The following MROH1 variants were observed in gnomAD, a reference collection of about 807,000 sequenced individuals.
MROH1 encodes the protein maestro heat-like repeat-containing protein family member 1.
MROH1 carries 117 observed loss-of-function variants against 116.5 expected under a neutral mutation model. That is an observed-to-expected ratio of 1.00 (90% confidence interval 0.86 to 1.17). MROH1 has a LOEUF of 1.17. Among genes scored for constraint, MROH1 ranks in the 50% most tolerant of loss-of-function variants. The pLI, the probability that MROH1 is intolerant of heterozygous loss-of-function variation, is 0.00. For synonymous variants in MROH1, 921 were observed against 583.9 expected, an observed-to-expected ratio of 1.58 and a Z score of -8.32; for missense variants, 1,873 against 1,338.5, an observed-to-expected ratio of 1.40 and a Z score of -6.23.
chr8:144,201,516 G>A (rs1267929827), intron 12 of MROH1, among the ~76,000 whole-genome samples: 1 of 152,208 alleles, frequency 6.6e-6, no homozygotes, highest in South Asian at 2.1e-4. Flanking sequence ...GAGCTAGGGA[G>A]GTTGTTACAT....
chr8:144,244,229 G>A lies in MROH1; in HGVS notation c.2563G>A (p.Glu855Lys), dbSNP rs1037764122. ...CCTTAACTTGCCTCTCAGCTCCGTGGAGCCAGCGCTGGACGAGCAGGCCCG... is the reference window on the plus strand; with the variant it reads ...CCTTAACTTGCCTCTCAGCTCCGTGAAGCCAGCGCTGGACGAGCAGGCCCG... ...MLTCTYLVSV[E>K]PALDEQARAD... Residue 855 changes from glutamate (E) to lysine (K), a missense_variant, in exon 27 of 44, where the codon GAG becomes AAG. Transcript: ENST00000326134. 5.6e-6 allele frequency: 4 copies of A among 717,860 alleles called. No individual in the cohort carries two copies. In the Admixed American group the frequency reaches 6.0e-5, roughly 11 times the overall value. The allele number at this position is 717,860 out of a possible 1,614,324, so 44.5% of individuals were successfully genotyped here.
At position 144,198,527 on chromosome 8, in the gene MROH1, C is replaced by T. The variant is rs566195848; in HGVS notation, c.949-595C>T. Among the ~76,000 whole-genome samples the T allele has an allele frequency of 5.3e-5, 8 of 152,340 alleles. No individual in the cohort carries two copies. In the South Asian group the frequency reaches 1.0e-3, roughly 20 times the overall value. ...CAACCTCCCGGGCTCAGGCAGTCCTCTCACTTCAGCCTCCTGAGTAGCTGG... is the reference window on the plus strand; with the variant it reads ...CAACCTCCCGGGCTCAGGCAGTCCTTTCACTTCAGCCTCCTGAGTAGCTGG... On this transcript the variant is annotated intron_variant, in intron 10 of 43. Transcript: ENST00000326134.
chr8:144,168,426 C>T lies in MROH1; in HGVS notation c.154C>T (p.Arg52Trp), dbSNP rs375278112. Residue 52 changes from arginine (R) to tryptophan (W), a missense_variant, in exon 4 of 44, where the codon CGG becomes TGG. By Grantham distance (101) the Arg-to-Trp change is moderately radical. Coordinates refer to ENST00000326134, the MANE Select transcript of MROH1 (RefSeq NM_032450.3). Reference sequence around the variant, plus strand: ...GCTCCGTGCCTGCGAGGAGTATCTGCGGCAGCATGACAAGGTATGTGTGCT... The same window carrying T: ...GCTCCGTGCCTGCGAGGAGTATCTGTGGCAGCATGACAAGGTATGTGTGCT... ...ETLRACEEYL[R>W]QHDKLAHPYR... 49 of 1,608,132 alleles carry T rather than the reference C, an allele frequency of 3.0e-5. No individual in the cohort carries two copies. The highest frequency in any genetic ancestry group is 4.5e-5 in the East Asian group (2 of 44,844).
At chr8:144,237,360 T>C (rs940326681) in intron 14 of MROH1, among the ~76,000 whole-genome samples, 13 of 152,244 alleles carry the variant, frequency 8.5e-5, no homozygotes, top group Non-Finnish European at 1.6e-4. Context: ...CGCAGGCCCC[T>C]GTCCTGAGGC....
chr8:144,151,975 C>T (rs1486468054), intron 1 of MROH1, among the ~76,000 whole-genome samples: 1 of 152,208 alleles, frequency 6.6e-6, no homozygotes, highest in Non-Finnish European at 1.5e-5. Context: ...TGCCGGCGAT[C>T]TCTCTCTCTT....
chr8:144,190,951 G>C lies in MROH1; in HGVS notation c.714+16G>C. On this transcript the variant is annotated intron_variant, in intron 8 of 43. Transcript: ENST00000326134. ...AGAAGCCAAGGTATGCCCCGTGGCT[G>C]CATCAGTCCACGCCTGATGCCAGGG... 6.2e-7 allele frequency: 1 copy of C among 1,610,824 alleles called. No individual in the cohort carries two copies. The highest frequency in any genetic ancestry group is 8.5e-7 in the Non-Finnish European group (1 of 1,178,714).
chr8:144,213,401 A>G (rs1244406351), intron 12 of MROH1: 4 of 312,094 alleles, frequency 1.3e-5, no homozygotes, highest in African/African-American at 2.1e-5. Context: ...GTCTTAAGTT[A>G]TTCCATATTC....
chr8:144,210,989 C>T (rs111281369), intron 12 of MROH1, among the ~76,000 whole-genome samples: 12,805 of 152,180 alleles, frequency 0.084, 775 homozygotes, highest in Non-Finnish European at 0.13. Context: ...AACAGCAACT[C>T]CCCATATTTA....
intron 8 of MROH1, 88 bp from the exon 9 acceptor site, chr8:144,191,627 A>C: frequency 1.3e-6 from 2 of 1,518,894 alleles, no homozygotes; most frequent in Admixed American, 3.9e-5. Flanking sequence ...GTGTTCGTTC[A>C]CGTCCGTCAC....
intron 1 of MROH1, among the ~76,000 whole-genome samples, chr8:144,151,218 A>G (rs1172095215): frequency 7.2e-6 from 1 of 139,244 alleles, no homozygotes; most frequent in Admixed American, 7.5e-5. Context: ...ATTGCATTCC[A>G]GCCTGGGTGA....
At chr8:144,240,850 C>T in intron 20 of MROH1, 142 bp from the exon 21 acceptor site, 1 of 686,028 alleles carries the variant, frequency 1.5e-6, no homozygotes, top group Non-Finnish European at 2.7e-6. Flanking sequence ...ACCGCTTATT[C>T]CTCAGATGTT....
intron 41 of MROH1, 34 bp downstream of exon 41, chr8:144,261,075 G>T: frequency 1.3e-6 from 1 of 774,288 alleles, no homozygotes; most frequent in Non-Finnish European, 2.4e-6. Context: ...CGTGGTGGGT[G>T]GGGCGGGGCC....
chr8:144,230,374 A>G (rs1307188376), intron 14 of MROH1, among the ~76,000 whole-genome samples: 1 of 152,208 alleles, frequency 6.6e-6, no homozygotes. Flanking sequence ...TCACTGGAGT[A>G]ACACTTTTAA....
chr8:144,166,713 C>T (rs1820924789), intron 3 of MROH1, among the ~76,000 whole-genome samples: 1 of 151,174 alleles, frequency 6.6e-6, no homozygotes, highest in Non-Finnish European at 1.5e-5. Flanking sequence ...GGGGCTGGGG[C>T]GCCGCCCAGC....
At chr8:144,209,307 G>A (rs1330221018) in intron 12 of MROH1, among the ~76,000 whole-genome samples, 4 of 151,976 alleles carry the variant, frequency 2.6e-5, no homozygotes, top group Non-Finnish European at 5.9e-5. Context: ...GGCCGGGCAC[G>A]GTGGCTCAAA....
At chr8:144,177,510 G>A (rs1049042905) in intron 4 of MROH1, among the ~76,000 whole-genome samples, 3 of 152,170 alleles carry the variant, frequency 2.0e-5, no homozygotes, top group Middle Eastern at 3.2e-3. Context: ...TCACTGAGCC[G>A]GTAGCACTTC....
chr8:144,261,106 C>G lies in MROH1; in HGVS notation c.4672-8C>G. 1 of 775,484 alleles carries G rather than the reference C, an allele frequency of 1.3e-6. No individual in the cohort carries two copies. Among genetic ancestry groups the G allele is most frequent in the Non-Finnish European group, 2.4e-6 (1 of 417,648 alleles). The allele number at this position is 775,484 out of a possible 1,614,324, so 48.0% of individuals were successfully genotyped here. Reference sequence around the variant, plus strand: ...GGGCCAGGCGGCACTGACCAGGCCTCTCCCCAGATGCACCATTTCCCAGAC... The same window carrying G: ...GGGCCAGGCGGCACTGACCAGGCCTGTCCCCAGATGCACCATTTCCCAGAC... On this transcript the variant is annotated splice_polypyrimidine_tract_variant and splice_region_variant and intron_variant, in intron 41 of 43. Coordinates refer to ENST00000326134, the MANE Select transcript of MROH1 (RefSeq NM_032450.3).
intron 24 of MROH1, 26 bp downstream of exon 24, chr8:144,242,654 G>A (rs1222984349): frequency 2.1e-5 from 16 of 777,668 alleles, no homozygotes; most frequent in African/African-American, 2.0e-4. Context: ...ATTAAGTGCT[G>A]GACTGGCTTC....
Position 144,248,988 on chromosome 8 carries a change from A to G in MROH1, c.3232A>G (p.Asn1078Asp). Residue 1078 changes from asparagine to aspartate, a missense_variant, in exon 32 of 44, where the codon AAC becomes GAC. By Grantham distance (23) the Asn-to-Asp change is conservative. Transcript: ENST00000326134. ...CTCCCGAGCAGCTACCGTCATGATCAACTGCCTGCTGCAGGAGCGGGGCGG... is the reference window on the plus strand; with the variant it reads ...CTCCCGAGCAGCTACCGTCATGATCGACTGCCTGCTGCAGGAGCGGGGCGG... ...NCSRAATVMI[N>D]CLLQERGGVL... is the part of the protein sequence containing the mutation. 1 of 730,308 alleles carries G rather than the reference A, an allele frequency of 1.4e-6. No homozygotes were observed. Among genetic ancestry groups the G allele is most frequent in the Non-Finnish European group, 2.6e-6 (1 of 391,724 alleles). The allele number at this position is 730,308 out of a possible 1,614,324, so 45.2% of individuals were successfully genotyped here.
Sources: gnomAD v4.1 joint callset for allele counts (sites outside exome capture counted in the v4.1 genomes callset) on GRCh38, gnomAD v4.1.1 for gene constraint, MANE v1.5 for transcripts, NCBI Gene and HGNC (gene_info 2026-07-23, HGNC 2026-07-21) for gene names.